The following AKAP10 variants were observed in gnomAD, a reference collection of about 807,000 sequenced individuals.
AKAP10 encodes the protein A-kinase anchor protein 10, mitochondrial.
A neutral mutation model predicts 80.8 loss-of-function variants in AKAP10; 24 were observed. That is an observed-to-expected ratio of 0.30 (90% CI 0.22 to 0.42). The LOEUF (loss-of-function observed/expected upper bound fraction) is 0.42. Among genes scored for constraint, AKAP10 ranks in the 10% least tolerant of loss-of-function variants. AKAP10 has a pLI of 1.00. For missense variants in AKAP10, 661 were observed against 794.9 expected, an observed-to-expected ratio of 0.83 and a Z score of 2.03; for synonymous variants, 291 against 277.7, an observed-to-expected ratio of 1.05 and a Z score of -0.48.
At chr17:19,929,993 A>G (rs902714960) in intron 10 of AKAP10, among the ~76,000 whole-genome samples, 4 of 138,570 alleles carry the variant, frequency 2.9e-5, no homozygotes, top group African/African-American at 1.1e-4. Flanking sequence ...TGACAACAAC[A>G]AAAACCAAAA....
intron 1 of AKAP10, among the ~76,000 whole-genome samples, chr17:19,976,375 G>T (rs1567781591): frequency 6.6e-6 from 1 of 151,878 alleles, no homozygotes; most frequent in African/African-American, 2.4e-5. Flanking sequence ...CAGCTACTTG[G>T]GAGGCTGAGG....
In AKAP10 at chr17:19,956,364, C is replaced by T. The variant is rs552063477; in HGVS notation, c.877+1650G>A. 3.9e-5 allele frequency among the ~76,000 whole-genome samples: 6 copies of T among 152,184 alleles called. No individual in the cohort carries two copies. In the East Asian group the frequency reaches 1.2e-3, roughly 29 times the overall value. On this transcript the variant is annotated intron_variant, in intron 4 of 14. Coordinates refer to ENST00000225737, the MANE Select transcript of AKAP10 (RefSeq NM_007202.4). ...GGCCAAAAATCACTAAAATCACAAG[C>T]CACCAACAGTCTGAATCCGAAGAAA...
chr17:19,932,561 G>C (rs749007825), intron 9 of AKAP10, among the ~76,000 whole-genome samples: 45 of 151,428 alleles, frequency 3.0e-4, no homozygotes, highest in Admixed American at 1.2e-3. Context: ...CTTTTTAGCA[G>C]AAAATAGTCC....
chr17:19,924,992 AGTTTC>A (rs2042861285), intron 10 of AKAP10, among the ~76,000 whole-genome samples: 2 of 152,014 alleles, frequency 1.3e-5, no homozygotes, highest in Non-Finnish European at 1.5e-5. Flanking sequence ...GGTGAAACCC[AGTTTC>A]TACTAAAAAT....
At chr17:19,969,294 G>A (rs771946760) in intron 1 of AKAP10, among the ~76,000 whole-genome samples, 4 of 152,116 alleles carry the variant, frequency 2.6e-5, no homozygotes, top group Non-Finnish European at 4.4e-5. Context: ...GCAGTGAGCC[G>A]AGATCGCGAC....
At chr17:19,961,208 G>A (rs1163427596) in intron 3 of AKAP10, among the ~76,000 whole-genome samples, 1 of 150,356 alleles carries the variant, frequency 6.7e-6, no homozygotes, top group Admixed American at 6.6e-5. Context: ...ACAAAAATTA[G>A]CCAGGCGTGG....
rs929506281 is a variant in AKAP10, at chr17:19,939,941, T to C, written c.1186-92A>G. On this transcript the variant is annotated intron_variant, in intron 7 of 14. Transcript: ENST00000225737. ...ATAAGCTCAAATATTAAAATACAGGTCATAAGCAAAAAACAAAAAGATCTA... is the reference window on the plus strand; with the variant it reads ...ATAAGCTCAAATATTAAAATACAGGCCATAAGCAAAAAACAAAAAGATCTA... 2.4e-5 allele frequency: 34 copies of C among 1,392,870 alleles called. 1 individual carries two copies. In the South Asian group the frequency reaches 4.3e-4, roughly 18 times the overall value. The allele number at this position is 1,392,870 out of a possible 1,614,324, so 86.3% of individuals were successfully genotyped here.
intron 1 of AKAP10, among the ~76,000 whole-genome samples, chr17:19,971,442 G>A (rs2043496337): frequency 6.6e-6 from 1 of 151,320 alleles, no homozygotes; most frequent in Admixed American, 6.6e-5. Flanking sequence ...CCAGGAGGTG[G>A]AGGTTGCAGT....
intron 14 of AKAP10, among the ~76,000 whole-genome samples, chr17:19,906,946 G>A (rs2042637241): frequency 6.6e-6 from 1 of 152,080 alleles, no homozygotes; most frequent in Admixed American, 6.6e-5. Flanking sequence ...AACTAAAGTA[G>A]TCACCTGCAA....
intron 3 of AKAP10, among the ~76,000 whole-genome samples, chr17:19,962,295 T>TATACAC (rs2043361560): frequency 8.0e-5 from 10 of 125,054 alleles, no homozygotes; most frequent in East Asian, 6.9e-4. Flanking sequence ...TACATACATA[T>TATACAC]ACACACACAC....
chr17:19,946,892 G>C (rs971884850), intron 5 of AKAP10, among the ~76,000 whole-genome samples: 2 of 152,200 alleles, frequency 1.3e-5, no homozygotes, highest in African/African-American at 4.8e-5. Flanking sequence ...AGGGACGTCA[G>C]GCCCACTGAG....
At chr17:19,955,170 C>T (rs1247811687) in intron 4 of AKAP10, among the ~76,000 whole-genome samples, 2 of 151,026 alleles carry the variant, frequency 1.3e-5, no homozygotes, top group South Asian at 2.1e-4. Flanking sequence ...TGCAGTGAGC[C>T]GAGATTGCCT....
chr17:19,961,855 T>C lies in AKAP10; in HGVS notation c.319+985A>G, dbSNP rs1012015198. Among the ~76,000 whole-genome samples, 22 of 152,108 alleles carry C rather than the reference T, an allele frequency of 1.4e-4. No homozygotes were observed. The East Asian group carries it at 3.7e-3, about 25-fold the overall frequency. ...ACTGAACCAGGTGTGGTGGTTCACG[T>C]TGGTAATCCCAGCACTTTGGGAGGC... On this transcript the variant is annotated intron_variant, in intron 3 of 14. Transcript: ENST00000225737.
intron 5 of AKAP10, among the ~76,000 whole-genome samples, chr17:19,945,405 T>C (rs1360775354): frequency 1.3e-5 from 2 of 152,188 alleles, no homozygotes; most frequent in African/African-American, 4.8e-5. Context: ...CCCTGTTGTA[T>C]TACTAGGAAA....
chr17:19,949,833 CTCT>C (rs2043179602), intron 4 of AKAP10, among the ~76,000 whole-genome samples: 1 of 150,706 alleles, frequency 6.6e-6, no homozygotes, highest in South Asian at 2.1e-4. Context: ...TCTTTTCTCT[CTCT>C]TTTTTAACCT....
chr17:19,971,817 T>G (rs958511467), intron 1 of AKAP10, among the ~76,000 whole-genome samples: 20 of 152,210 alleles, frequency 1.3e-4, no homozygotes, highest in African/African-American at 4.8e-4. Context: ...AGGTAACAAA[T>G]TATGTGCATT....
chr17:19,951,217 TCCGGGAGGGAGGTGGGGGGTCAGCCCCC>T (rs1201362406), intron 4 of AKAP10, among the ~76,000 whole-genome samples: 3 of 111,106 alleles, frequency 2.7e-5, no homozygotes, highest in Non-Finnish European at 6.4e-5. Context: ...AGCCGCCCCG[TCCGGGAGGGAGGTGGGGGGTCAGCCCCC>T]GCCCGGCCAG....
intron 9 of AKAP10, chr17:19,935,936 T>G: frequency 6.1e-6 from 1 of 165,132 alleles, no homozygotes; most frequent in Non-Finnish European, 1.3e-5. Flanking sequence ...TTCAGCTCCA[T>G]TATAATTTTT....
intron 12 of AKAP10, among the ~76,000 whole-genome samples, chr17:19,912,744 C>T (rs1436042881): frequency 6.6e-6 from 1 of 152,090 alleles, no homozygotes; most frequent in African/African-American, 2.4e-5. Flanking sequence ...TTCCTCTGTG[C>T]TCTATTATCA....
Sources: gnomAD v4.1 joint callset for allele counts (sites outside exome capture counted in the v4.1 genomes callset) on GRCh38, gnomAD v4.1.1 for gene constraint, MANE v1.5 for transcripts, NCBI Gene and HGNC (gene_info 2026-07-23, HGNC 2026-07-21) for gene names.